Variants in PARD3B observed in about 807,000 individuals in gnomAD.
PARD3B encodes partitioning defective 3 homolog B.
Under a neutral mutation model 130.2 loss-of-function variants are expected in PARD3B, and 103 were observed. The ratio of observed to expected loss-of-function variants is 0.79; its 90% CI spans 0.67 to 0.93. The LOEUF is 0.93. Among genes scored for constraint, PARD3B ranks in the 40% least tolerant of loss-of-function variants. PARD3B has a pLI of 0.00. For synonymous variants in PARD3B, 583 were observed against 553.2 expected, an observed-to-expected ratio of 1.05 and a Z score of -0.76; for missense variants, 1,609 against 1,499.2, an observed-to-expected ratio of 1.07 and a Z score of -1.21.
chr2:204,827,265 A>G (rs1260397482), intron 2 of PARD3B, among the ~76,000 whole-genome samples: 3 of 152,150 alleles, frequency 2.0e-5, no homozygotes, highest in Non-Finnish European at 4.4e-5. Context: ...TTATTTATTT[A>G]TAAGTTTTTG....
chr2:205,162,991 C>T (rs566963341), intron 11 of PARD3B, among the ~76,000 whole-genome samples: 2 of 152,190 alleles, frequency 1.3e-5, no homozygotes, highest in African/African-American at 4.8e-5. Flanking sequence ...ACTACACTTC[C>T]TTAAGTTGCT....
chr2:205,322,135 A>G (rs1470905709), intron 18 of PARD3B, among the ~76,000 whole-genome samples: 20 of 152,206 alleles, frequency 1.3e-4, no homozygotes, highest in Admixed American at 1.2e-3. Context: ...TCACCTTAGG[A>G]CTTTTTCTTT....
At position 205,159,564 on chromosome 2, in the gene PARD3B, T is replaced by C. The variant is rs77323800; in HGVS notation, c.1620+657T>C. Among the ~76,000 whole-genome samples the C allele has an allele frequency of 6.6e-3, 1,012 of 152,338 alleles. 15 individuals carry two copies. The highest frequency in any genetic ancestry group is 0.023 in the African/African-American group (964 of 41,580). On this transcript the variant is annotated intron_variant, in intron 11 of 22. Transcript: ENST00000406610. ...TGTATGGAAATGTAGGCAAGGGTCTTGACCAGCTGTCTCCCATTTCCTCAC... is the reference window on the plus strand; with the variant it reads ...TGTATGGAAATGTAGGCAAGGGTCTCGACCAGCTGTCTCCCATTTCCTCAC...
intron 15 of PARD3B, among the ~76,000 whole-genome samples, chr2:205,242,246 A>G (rs1382829745): frequency 1.3e-5 from 2 of 152,204 alleles, no homozygotes; most frequent in Non-Finnish European, 2.9e-5. Flanking sequence ...CAAATAGTTT[A>G]TATTAGTGTT....
At chr2:205,180,859 G>A (rs2035748783) in intron 13 of PARD3B, among the ~76,000 whole-genome samples, 1 of 152,112 alleles carries the variant, frequency 6.6e-6, no homozygotes, top group African/African-American at 2.4e-5. Context: ...ATGGTAATAG[G>A]GATGGAGGCT....
intron 2 of PARD3B, among the ~76,000 whole-genome samples, chr2:204,810,445 T>C (rs116275506): frequency 4.8e-4 from 73 of 152,312 alleles, no homozygotes; most frequent in African/African-American, 1.7e-3. Context: ...TTGATAGTTT[T>C]TTAACATGTT....
At chr2:204,795,372 G>A (rs1411457552) in intron 2 of PARD3B, among the ~76,000 whole-genome samples, 4 of 152,192 alleles carry the variant, frequency 2.6e-5, no homozygotes, top group Non-Finnish European at 2.9e-5. Context: ...GCTTCCAAAA[G>A]CAAGAGACAC....
intron 2 of PARD3B, among the ~76,000 whole-genome samples, chr2:204,868,197 T>G (rs2045499316): frequency 6.6e-6 from 1 of 152,208 alleles, no homozygotes; most frequent in East Asian, 1.9e-4. Flanking sequence ...GGGACTGTGC[T>G]TAACTGTCAG....
intron 2 of PARD3B, among the ~76,000 whole-genome samples, chr2:204,897,462 T>G (rs1214153783): frequency 6.7e-6 from 1 of 149,306 alleles, no homozygotes. Context: ...CAATGGACTG[T>G]CTCCCAAAAC....
chr2:205,103,189 T>C (rs984076018), intron 4 of PARD3B, among the ~76,000 whole-genome samples: 53 of 146,254 alleles, frequency 3.6e-4, no homozygotes, highest in African/African-American at 1.3e-3. Flanking sequence ...AAAGTAAACA[T>C]TTTATATTTA....
chr2:204,866,697 A>G (rs2045431744), intron 2 of PARD3B, among the ~76,000 whole-genome samples: 1 of 151,894 alleles, frequency 6.6e-6, no homozygotes, highest in South Asian at 2.1e-4. Context: ...GTGTATATAT[A>G]TGTTTATGTA....
intron 18 of PARD3B, among the ~76,000 whole-genome samples, chr2:205,398,622 G>A (rs13018939): frequency 0.025 from 3,816 of 152,212 alleles, 115 homozygotes; most frequent in African/African-American, 0.075. Flanking sequence ...TGAGAAACAT[G>A]CAGAATACTG....
At chr2:205,537,112 G>A (rs1171132061) in intron 21 of PARD3B, among the ~76,000 whole-genome samples, 1 of 152,204 alleles carries the variant, frequency 6.6e-6, no homozygotes, top group African/African-American at 2.4e-5. Flanking sequence ...GATGTTAAGA[G>A]TATTAGGCTA....
chr2:205,595,855 G>A (rs1334570672), intron 22 of PARD3B, among the ~76,000 whole-genome samples: 1 of 152,140 alleles, frequency 6.6e-6, no homozygotes. Context: ...TAAAAGGAGT[G>A]AGAGTAGGTC....
At chr2:204,604,986 C>T (rs1321113727) in intron 1 of PARD3B, among the ~76,000 whole-genome samples, 1 of 152,014 alleles carries the variant, frequency 6.6e-6, no homozygotes, top group Non-Finnish European at 1.5e-5. Flanking sequence ...AAGGCTGGGC[C>T]CAGCTGGGAC....
chr2:204,909,805 C>T (rs1293517506), intron 2 of PARD3B, among the ~76,000 whole-genome samples: 10 of 152,222 alleles, frequency 6.6e-5, no homozygotes, highest in Admixed American at 3.3e-4. Flanking sequence ...ATTTTTGTTG[C>T]ACAGTATTTC....
intron 2 of PARD3B, among the ~76,000 whole-genome samples, chr2:204,921,683 A>C (rs1490275140): frequency 6.6e-6 from 1 of 152,168 alleles, no homozygotes; most frequent in African/African-American, 2.4e-5. Context: ...TTTATAGACA[A>C]GAGGGAATCT....
intron 3 of PARD3B, among the ~76,000 whole-genome samples, chr2:205,031,330 C>T (rs181946226): frequency 9.9e-5 from 15 of 152,204 alleles, no homozygotes; most frequent in East Asian, 9.7e-4. Flanking sequence ...TGATAGCATC[C>T]GAACTTTCAT....
Position 204,549,455 on chromosome 2 carries a change from G to A in PARD3B, c.120+3336G>A, listed in dbSNP as rs73984228. ...TGAATGGGTAATTGAGCTGTATCCT[G>A]CAGGGACTCTCAACCCTGGCTGAAC... On this transcript the variant is annotated intron_variant, in intron 1 of 22. Transcript: ENST00000406610. 9.0e-3 allele frequency among the ~76,000 whole-genome samples: 1,369 copies of A among 152,214 alleles called. 20 individuals carry two copies. The highest frequency in any genetic ancestry group is 0.031 in the African/African-American group (1,292 of 41,512).
Sources: allele counts gnomAD v4.1 joint callset (sites outside exome capture counted in the v4.1 genomes callset), GRCh38; gene constraint gnomAD v4.1.1; transcripts MANE v1.5; gene names NCBI Gene and HGNC (gene_info 2026-07-23, HGNC 2026-07-21).